The following RBFOX1 variants were observed in gnomAD, a reference collection of about 807,000 sequenced individuals.
RBFOX1 encodes the protein RNA binding fox-1 homolog 1.
A neutral mutation model predicts 57.7 loss-of-function variants in RBFOX1; 8 were observed. That is an observed-to-expected ratio of 0.14 (90% CI 0.08 to 0.25). The LOEUF is 0.25. Ranked by LOEUF, RBFOX1 falls within the 10% of genes least tolerant of loss-of-function variation. The pLI is 1.00. For missense variants in RBFOX1, 611 were observed against 548.5 expected (o/e 1.11, Z -1.14); for synonymous variants, 326 against 222.4 (o/e 1.47, Z -4.15).
At chr16:5,424,930 TCTTTCTCTCTC>T (rs2067486047) in intron 1 of RBFOX1, among the ~76,000 whole-genome samples, 4 of 125,596 alleles carry the variant, frequency 3.2e-5, no homozygotes, top group African/African-American at 1.2e-4. Flanking sequence ...TTTCTTTCTT[TCTTTCTCTCTC>T]TTCTTTCTTC....
intron 1 of RBFOX1, among the ~76,000 whole-genome samples, chr16:5,292,160 G>A (rs1400626865): frequency 6.6e-6 from 1 of 152,154 alleles, no homozygotes; most frequent in African/African-American, 2.4e-5. Flanking sequence ...TTGCTGGGAG[G>A]GAGCTAAATC....
rs574505379 is a variant in RBFOX1, at chr16:7,099,633, A to G, written c.27+47535A>G. ...GACACGTGCCCAAGGTGGTTGGGGT[A>G]TAGCTTGCTTTTATACATTTAGGGA... On this transcript the variant is annotated intron_variant, in intron 4 of 15. Transcript: ENST00000550418. 3.3e-5 allele frequency among the ~76,000 whole-genome samples: 5 copies of G among 152,218 alleles called. No individual in the cohort carries two copies. The South Asian group carries it at 1.0e-3, about 32-fold the overall frequency.
intron 3 of RBFOX1, among the ~76,000 whole-genome samples, chr16:6,690,035 C>G (rs910201652): frequency 2.0e-5 from 3 of 152,126 alleles, no homozygotes; most frequent in African/African-American, 4.8e-5. Context: ...TTTGGGTAAT[C>G]TTTTGAAAAG....
chr16:6,265,330 C>CGGCTCA (rs1218656527), intron 1 of RBFOX1, among the ~76,000 whole-genome samples: 1 of 151,972 alleles, frequency 6.6e-6, no homozygotes, highest in Non-Finnish European at 1.5e-5. Flanking sequence ...GGTGCAGTCT[C>CGGCTCA]GGCTCACTAC....
At chr16:6,015,813 G>A (rs1051926663), upstream of RBFOX1, among the ~76,000 whole-genome samples, 10 of 152,226 alleles carry the variant, frequency 6.6e-5, no homozygotes, top group Non-Finnish European at 1.2e-4. Context: ...CTCCTGCTCC[G>A]TATTGGCCAA....
intron 4 of RBFOX1, among the ~76,000 whole-genome samples, chr16:5,886,246 T>A (rs2057896714): frequency 1.3e-5 from 2 of 152,192 alleles, no homozygotes; most frequent in South Asian, 4.1e-4. Context: ...ACCGTTACCT[T>A]GGACAAGCAA....
intron 2 of RBFOX1, among the ~76,000 whole-genome samples, chr16:6,487,144 CTGTGTGTG>C (rs60180975): frequency 3.1e-4 from 43 of 140,222 alleles, no homozygotes; most frequent in Admixed American, 1.1e-3. Context: ...TGTGGGGTTT[CTGTGTGTG>C]TGTGTGTGTG....
At chr16:5,786,704 C>G (rs918613734) in intron 3 of RBFOX1, among the ~76,000 whole-genome samples, 1 of 152,220 alleles carries the variant, frequency 6.6e-6, no homozygotes, top group Non-Finnish European at 1.5e-5. Context: ...TTCCTGCTTT[C>G]ACCAGGCTGG....
At chr16:6,944,318 C>T (rs904510790) in intron 3 of RBFOX1, among the ~76,000 whole-genome samples, 88 of 151,090 alleles carry the variant, frequency 5.8e-4, no homozygotes, top group African/African-American at 1.7e-3. Context: ...TCGCTTGAAC[C>T]GAAGAGGCGG....
intron 2 of RBFOX1, among the ~76,000 whole-genome samples, chr16:6,359,123 A>C (rs535329948): frequency 4.6e-5 from 7 of 151,980 alleles, no homozygotes; most frequent in African/African-American, 1.7e-4. Flanking sequence ...GACGGAGTCT[A>C]GCTCTGTCAC....
intron 1 of RBFOX1, among the ~76,000 whole-genome samples, chr16:6,159,788 A>G (rs2096864607): frequency 6.6e-6 from 1 of 152,242 alleles, no homozygotes; most frequent in Non-Finnish European, 1.5e-5. Context: ...GCCCACATGT[A>G]CAAAAATGAC....
At chr16:6,050,047 C>G (rs2152433659) in intron 1 of RBFOX1, among the ~76,000 whole-genome samples, 1 of 150,664 alleles carries the variant, frequency 6.6e-6, no homozygotes, top group Non-Finnish European at 1.5e-5. Flanking sequence ...CAGCCTCTGA[C>G]TCCTGGATTC....
intron 4 of RBFOX1, among the ~76,000 whole-genome samples, chr16:7,296,683 C>T (rs1201461424): frequency 6.6e-6 from 1 of 152,176 alleles, no homozygotes; most frequent in East Asian, 1.9e-4. Context: ...TGAATAGGCT[C>T]CCTAGCCTGT....
intron 3 of RBFOX1, among the ~76,000 whole-genome samples, chr16:6,837,251 C>G (rs1014182229): frequency 2.6e-5 from 4 of 152,222 alleles, no homozygotes; most frequent in African/African-American, 9.6e-5. Flanking sequence ...GCATATTGCT[C>G]TCTCATCTGA....
chr16:7,043,803 G>C (rs1005033940), intron 3 of RBFOX1, among the ~76,000 whole-genome samples: 1 of 152,142 alleles, frequency 6.6e-6, no homozygotes, highest in Non-Finnish European at 1.5e-5. Flanking sequence ...TCTTGCACTT[G>C]ACTCTTGTGT....
intron 4 of RBFOX1, among the ~76,000 whole-genome samples, chr16:5,991,336 C>G (rs2060391817): frequency 1.3e-5 from 2 of 152,178 alleles, no homozygotes; most frequent in African/African-American, 4.8e-5. Flanking sequence ...CCCTTCCTTT[C>G]CCTTGCAAAC....
intron 3 of RBFOX1, among the ~76,000 whole-genome samples, chr16:6,790,753 C>G (rs1351799197): frequency 1.3e-5 from 2 of 152,096 alleles, no homozygotes; most frequent in Non-Finnish European, 2.9e-5. Flanking sequence ...CTAGACCCTC[C>G]TTATTCTTGT....
chr16:6,623,858 G>C (rs1460992965), intron 2 of RBFOX1, among the ~76,000 whole-genome samples: 1 of 152,102 alleles, frequency 6.6e-6, no homozygotes, highest in Non-Finnish European at 1.5e-5. Context: ...TGGACATTTG[G>C]GTTGGTTCCA....
intron 3 of RBFOX1, among the ~76,000 whole-genome samples, chr16:5,686,566 C>A (rs1371065982): frequency 1.3e-5 from 2 of 152,030 alleles, no homozygotes; most frequent in Admixed American, 6.6e-5. Context: ...TCTTTCTTGA[C>A]TTCTGATTAT....
Sources: allele counts gnomAD v4.1 joint callset (sites outside exome capture counted in the v4.1 genomes callset), GRCh38; gene constraint gnomAD v4.1.1; transcripts MANE v1.5; gene names NCBI Gene and HGNC (gene_info 2026-07-23, HGNC 2026-07-21).